The following ADGRG5 variants were observed in gnomAD, a reference collection of about 807,000 sequenced individuals.
ADGRG5 encodes the protein G protein-coupled receptor 114.
Under a neutral mutation model 53.2 loss-of-function variants are expected in ADGRG5, and 37 were observed. The ratio of observed to expected loss-of-function variants is 0.70; its 90% CI spans 0.53 to 0.91. ADGRG5 has a LOEUF of 0.91. Among genes scored for constraint, ADGRG5 ranks in the 40% least tolerant of loss-of-function variants. ADGRG5 has a pLI of 0.00. For missense variants in ADGRG5, 614 were observed against 675.8 expected (o/e 0.91, Z 1.01); for synonymous variants, 277 against 290.4 (o/e 0.95, Z 0.47).
chr16:57,575,298 C>G, intron 11 of ADGRG5, 140 bp from the exon 12 acceptor site: 2 of 927,168 alleles, frequency 2.2e-6, no homozygotes, highest in Non-Finnish European at 1.6e-6. Flanking sequence ...CTCTGAGGCT[C>G]TGCCCCTCTG....
At chr16:57,570,922 C>T (rs1158680618) in intron 10 of ADGRG5, among the ~76,000 whole-genome samples, 5 of 152,280 alleles carry the variant, frequency 3.3e-5, no homozygotes, top group African/African-American at 7.2e-5. Flanking sequence ...CAACTCCTCC[C>T]GACCTGCCCT....
chr16:57,553,194 A>G (rs2032793592), intron 1 of ADGRG5, among the ~76,000 whole-genome samples: 1 of 152,246 alleles, frequency 6.6e-6, no homozygotes, highest in Non-Finnish European at 1.5e-5. Context: ...ACTATTGGAA[A>G]AATGGTGCAG....
At chr16:57,533,765 C>T in the ADGRG5 span, among the ~76,000 whole-genome samples, 1 of 152,194 alleles carries the variant, frequency 6.6e-6, no homozygotes, top group African/African-American at 2.4e-5. Flanking sequence ...CACTCACACA[C>T]AGCCCTGGTA....
rs537178902 is a variant in ADGRG5 at position 57,550,258 on chromosome 16, A to G, written c.-39+7557A>G. 3.3e-5 allele frequency among the ~76,000 whole-genome samples: 5 copies of G among 152,310 alleles called. No individual in the cohort carries two copies. The East Asian group carries it at 9.7e-4, about 29-fold the overall frequency. ...CTCCCAAAGTGCTGGGATTACAGGCATGAGCCACCGCGCCCGGCCCATCTA... is the reference window on the plus strand; with the variant it reads ...CTCCCAAAGTGCTGGGATTACAGGCGTGAGCCACCGCGCCCGGCCCATCTA... On this transcript the variant is annotated intron_variant, in intron 1 of 11. Transcript: ENST00000349457.
chr16:57,568,205 C>T, intron 9 of ADGRG5, 81 bp downstream of exon 9: 4 of 1,432,572 alleles, frequency 2.8e-6, no homozygotes, highest in South Asian at 1.2e-5. Context: ...TCTTTCCCCT[C>T]CTCCTCATCG....
At chr16:57,560,819 C>A (rs1379707181) in intron 1 of ADGRG5, among the ~76,000 whole-genome samples, 1 of 152,180 alleles carries the variant, frequency 6.6e-6, no homozygotes, top group Non-Finnish European at 1.5e-5. Flanking sequence ...AGGTCTCATT[C>A]TGTTGCCCAG....
intron 1 of ADGRG5, among the ~76,000 whole-genome samples, chr16:57,543,616 T>C (rs891867562): frequency 5.3e-5 from 8 of 152,130 alleles, no homozygotes; most frequent in Non-Finnish European, 1.2e-4. Context: ...CACAGGTTGA[T>C]TGATTCCTCA....
chr16:57,540,097 G>A (rs954317855), upstream of ADGRG5, among the ~76,000 whole-genome samples: 1 of 152,010 alleles, frequency 6.6e-6, no homozygotes, highest in Admixed American at 6.6e-5. Context: ...ACAAAAATTC[G>A]CTGGGCGTGG....
chr16:57,563,778 G>A (rs1352682354), intron 4 of ADGRG5, 70 bp from the exon 5 acceptor site: 1 of 1,594,622 alleles, frequency 6.3e-7, no homozygotes, highest in Non-Finnish European at 8.6e-7. Flanking sequence ...GGGAGTGGGA[G>A]GCAGTGAAGG....
At chr16:57,541,122 T>TG (rs1390288357), upstream of ADGRG5, among the ~76,000 whole-genome samples, 1 of 152,112 alleles carries the variant, frequency 6.6e-6, no homozygotes, top group Non-Finnish European at 1.5e-5. Flanking sequence ...GAGAGTATCT[T>TG]GGTAGTGAGC....
the ADGRG5 span, among the ~76,000 whole-genome samples, chr16:57,535,118 G>A: frequency 6.6e-6 from 1 of 152,214 alleles, no homozygotes; most frequent in African/African-American, 2.4e-5. Flanking sequence ...GAGCCCAGTG[G>A]GAAACCACAG....
chr16:57,575,928 G>A lies in ADGRG5; in HGVS notation c.*390G>A, dbSNP rs917692810. 4 of 178,612 alleles carry A rather than the reference G, an allele frequency of 2.2e-5. No homozygotes were observed. The East Asian group carries it at 5.4e-4, about 24-fold the overall frequency. The allele number at this position is 178,612 out of a possible 1,614,324, so 11.1% of individuals were successfully genotyped here. A position where few individuals can be genotyped will look rare whatever the true frequency, so the allele number is the denominator to read the frequency against. On this transcript the variant is annotated 3_prime_UTR_variant, in exon 12 of 12. Coordinates refer to ENST00000349457, the MANE Select transcript of ADGRG5 (RefSeq NM_001304376.3). ...TAGGTATCCACAGCTGTGACATGGG[G>A]GCAAGCGGCTTTGTTTCAGCCTAAC...
intron 9 of ADGRG5, among the ~76,000 whole-genome samples, chr16:57,569,733 C>T (rs2146826748): frequency 6.6e-6 from 1 of 151,878 alleles, no homozygotes; most frequent in African/African-American, 2.4e-5. Flanking sequence ...TCACATCCTC[C>T]ATCTCCTCCA....
chr16:57,543,280 T>TTTC (rs1246081210), intron 1 of ADGRG5: 2 of 133,158 alleles, frequency 1.5e-5, no homozygotes, highest in African/African-American at 6.5e-5. Context: ...TCTTAGGGCT[T>TTTC]TTTTTTTTTT....
intron 9 of ADGRG5, among the ~76,000 whole-genome samples, chr16:57,569,430 C>G (rs2033269648): frequency 6.6e-6 from 1 of 152,000 alleles, no homozygotes; most frequent in African/African-American, 2.4e-5. Flanking sequence ...TGATCACCTC[C>G]TCCACTTCCG....
At chr16:57,544,649 G>A (rs532480638) in intron 1 of ADGRG5, among the ~76,000 whole-genome samples, 1 of 152,254 alleles carries the variant, frequency 6.6e-6, no homozygotes, top group East Asian at 1.9e-4. Flanking sequence ...ACAGTATAGT[G>A]AAGGGGTGGA....
At chr16:57,554,359 G>T (rs2032824578) in intron 1 of ADGRG5, among the ~76,000 whole-genome samples, 1 of 150,834 alleles carries the variant, frequency 6.6e-6, no homozygotes, top group African/African-American at 2.4e-5. Flanking sequence ...CTATTTTATT[G>T]ATTTATAATT....
intron 10 of ADGRG5, among the ~76,000 whole-genome samples, chr16:57,572,819 G>A (rs2033399160): frequency 6.6e-6 from 1 of 152,230 alleles, no homozygotes; most frequent in South Asian, 2.1e-4. Flanking sequence ...GTGAGTGGTC[G>A]CCTACCACAC....
chr16:57,569,004 C>T (rs1173704828), intron 9 of ADGRG5, among the ~76,000 whole-genome samples: 1 of 151,182 alleles, frequency 6.6e-6, no homozygotes, highest in East Asian at 2.0e-4. Context: ...TCATCACCAT[C>T]ACCTCCTCCA....
Sources: allele counts gnomAD v4.1 joint callset (sites outside exome capture counted in the v4.1 genomes callset), GRCh38; gene constraint gnomAD v4.1.1; transcripts MANE v1.5; gene names NCBI Gene and HGNC (gene_info 2026-07-23, HGNC 2026-07-21).